Variants in TMEM87B observed in about 807,000 individuals in gnomAD.
TMEM87B encodes transmembrane protein 87B.
Under a neutral mutation model 80.3 loss-of-function variants are expected in TMEM87B, and 83 were observed. That is an observed-to-expected ratio of 1.03 (90% CI 0.87 to 1.24). TMEM87B has a LOEUF of 1.24. Ranked by LOEUF, TMEM87B falls within the 50% of genes most tolerant of loss-of-function variation. The pLI is 0.00. For missense variants in TMEM87B, 625 were observed against 674.4 expected (o/e 0.93, Z 0.81); for synonymous variants, 219 against 230.5 (o/e 0.95, Z 0.45).
rs1044457414 is a variant in TMEM87B, at chr2:112,116,163, T to C, written c.*20T>C. 6 of 1,605,958 alleles carry C rather than the reference T, an allele frequency of 3.7e-6. No homozygotes were observed. The highest frequency in any genetic ancestry group is 1.7e-5 in the Admixed American group (1 of 59,528). On this transcript the variant is annotated 3_prime_UTR_variant, in exon 19 of 19. Coordinates refer to ENST00000283206, the MANE Select transcript of TMEM87B (RefSeq NM_032824.3). ...ATGTGATTGGAACCCGTATAAGAAA[T>C]GTAGTTAAGCCTGAAGGACTATCCT...
intron 3 of TMEM87B, among the ~76,000 whole-genome samples, chr2:112,065,637 T>A (rs566941299): frequency 1.5e-5 from 2 of 137,558 alleles, no homozygotes; most frequent in East Asian, 2.0e-4. Context: ...AGTGAGACCT[T>A]GTCTTCAAAA....
At chr2:112,071,707 A>G (rs1297802156) in intron 4 of TMEM87B, among the ~76,000 whole-genome samples, 1 of 152,176 alleles carries the variant, frequency 6.6e-6, no homozygotes, top group Non-Finnish European at 1.5e-5. Flanking sequence ...TTTTCTAGAT[A>G]TATAATCATG....
At chr2:112,074,653 G>A (rs780647361) in intron 4 of TMEM87B, among the ~76,000 whole-genome samples, 2 of 152,210 alleles carry the variant, frequency 1.3e-5, no homozygotes, top group Middle Eastern at 3.4e-3. Flanking sequence ...TACTGAAATA[G>A]GTTTTTCAAG....
intron 9 of TMEM87B, among the ~76,000 whole-genome samples, chr2:112,087,055 C>G (rs1429757148): frequency 6.6e-6 from 1 of 152,164 alleles, no homozygotes; most frequent in Non-Finnish European, 1.5e-5. Flanking sequence ...GGCCTCCAGC[C>G]TTTTGACCCT....
chr2:112,094,651 G>A (rs1487087497), intron 11 of TMEM87B, among the ~76,000 whole-genome samples: 2 of 151,966 alleles, frequency 1.3e-5, no homozygotes, highest in Non-Finnish European at 2.9e-5. Context: ...GTCAGATTGG[G>A]GTAGGAAAAT....
At chr2:112,089,846 TG>T in intron 10 of TMEM87B, 128 bp downstream of exon 10, 1 of 817,460 alleles carries the variant, frequency 1.2e-6, no homozygotes, top group South Asian at 1.6e-5. Flanking sequence ...TTTTCTTCTA[TG>T]GGATGTTTCC....
chr2:112,055,527 C>T lies in TMEM87B; in HGVS notation c.-65C>T, dbSNP rs1312187528. ...CGGATTCGGACCCGCCTGCCTGGGG[C>T]GGTGCTGCACCAGGTGCGGGTGTGG... On this transcript the variant is annotated 5_prime_UTR_variant, in exon 1 of 19. Transcript: ENST00000283206. 5.0e-6 allele frequency: 7 copies of T among 1,404,430 alleles called. No homozygotes were observed. The highest frequency in any genetic ancestry group is 1.5e-5 in the African/African-American group (1 of 66,186). The allele number at this position is 1,404,430 out of a possible 1,614,324, so 87.0% of individuals were successfully genotyped here.
chr2:112,073,414 C>T (rs538140683), intron 4 of TMEM87B, among the ~76,000 whole-genome samples: 9 of 152,242 alleles, frequency 5.9e-5, no homozygotes, highest in South Asian at 4.1e-4. Flanking sequence ...TGTACGGTTT[C>T]GAAAGATTTT....
At chr2:112,063,710 A>T (rs181985395) in intron 2 of TMEM87B, among the ~76,000 whole-genome samples, 2 of 152,158 alleles carry the variant, frequency 1.3e-5, no homozygotes, top group African/African-American at 2.4e-5. Flanking sequence ...GACTATTCTC[A>T]GCCTCTGGGA....
At chr2:112,060,555 G>A (rs988144182) in intron 2 of TMEM87B, among the ~76,000 whole-genome samples, 1 of 138,292 alleles carries the variant, frequency 7.2e-6, no homozygotes, top group African/African-American at 2.7e-5. Flanking sequence ...TTTTTTTCTT[G>A]AGACAGAGTC....
intron 8 of TMEM87B, among the ~76,000 whole-genome samples, chr2:112,085,325 C>T (rs961532287): frequency 7.2e-5 from 11 of 152,206 alleles, no homozygotes; most frequent in Admixed American, 5.9e-4. Context: ...TGCCTTTGCA[C>T]GTGCCGTGTT....
intron 15 of TMEM87B, among the ~76,000 whole-genome samples, chr2:112,104,607 A>C (rs556142715): frequency 5.5e-4 from 84 of 152,354 alleles, no homozygotes; most frequent in African/African-American, 2.0e-3. Context: ...TGGCTCTCTC[A>C]TACAGTACTT....
chr2:112,097,274 AT>A lies in TMEM87B; in HGVS notation c.1257del (p.Ile419MetfsTer28). On this transcript the variant is annotated frameshift_variant, in exon 13 of 19. Coordinates refer to ENST00000283206, the MANE Select transcript of TMEM87B (RefSeq NM_032824.3). LOFTEE classifies it high-confidence loss of function. Reference protein sequence around the residue: ...FMGWTTKTFRIAKCQSDWMER... With the variant: ...FMGWTTKTFRXAKCQSDWMER... ...GGGGTGGACAACTAAGACATTTAGA[AT>A]TGCAAAATGCCAATCAGTAAGTATA... The A allele has an allele frequency of 2.5e-6, 4 of 1,606,180 alleles. No homozygotes were observed. The highest frequency in any genetic ancestry group is 3.4e-6 in the Non-Finnish European group (4 of 1,177,954).
intron 2 of TMEM87B, among the ~76,000 whole-genome samples, chr2:112,061,408 G>T (rs910731772): frequency 1.3e-5 from 2 of 152,126 alleles, no homozygotes; most frequent in Admixed American, 1.3e-4. Context: ...ATTTGTTGGG[G>T]GCAATTCTTC....
chr2:112,092,670 A>G (rs1289343028), intron 11 of TMEM87B, among the ~76,000 whole-genome samples: 2 of 152,192 alleles, frequency 1.3e-5, no homozygotes, highest in Non-Finnish European at 2.9e-5. Context: ...AATGGGTGGA[A>G]GAGAGCAGGT....
At chr2:112,100,988 T>G (rs1423705781) in intron 15 of TMEM87B, among the ~76,000 whole-genome samples, 1 of 152,208 alleles carries the variant, frequency 6.6e-6, no homozygotes, top group African/African-American at 2.4e-5. Flanking sequence ...ATAATGTTCA[T>G]CTTGATGATT....
chr2:112,067,936 G>A (rs946739999), intron 4 of TMEM87B, among the ~76,000 whole-genome samples: 1 of 152,232 alleles, frequency 6.6e-6, no homozygotes, highest in Non-Finnish European at 1.5e-5. Flanking sequence ...GCAGTTGGCT[G>A]GGCGTGGTGG....
intron 15 of TMEM87B, among the ~76,000 whole-genome samples, chr2:112,103,804 CAAT>C (rs1157800850): frequency 6.6e-6 from 1 of 152,090 alleles, no homozygotes; most frequent in Non-Finnish European, 1.5e-5. Flanking sequence ...AATTATCTCT[CAAT>C]AAAATAAAAT....
At chr2:112,060,108 G>A in intron 2 of TMEM87B, 71 bp downstream of exon 2, 2 of 1,375,522 alleles carry the variant, frequency 1.5e-6, no homozygotes, top group South Asian at 1.5e-5. Flanking sequence ...GGCACTTTGG[G>A]AGGCCGAGGC....
Sources: allele counts gnomAD v4.1 joint callset (sites outside exome capture counted in the v4.1 genomes callset), GRCh38; gene constraint gnomAD v4.1.1; transcripts MANE v1.5; gene names NCBI Gene and HGNC (gene_info 2026-07-23, HGNC 2026-07-21).